Variants in LRRIQ3 observed in about 807,000 individuals in gnomAD.
LRRIQ3 encodes the protein leucine rich repeats and IQ motif containing 3.
LRRIQ3 carries 75 observed loss-of-function variants against 59.3 expected under a neutral mutation model. The ratio of observed to expected loss-of-function variants is 1.26; its 90% CI spans 1.05 to 1.53. The LOEUF is 1.53. Among genes scored for constraint, LRRIQ3 ranks in the 40% most tolerant of loss-of-function variants. LRRIQ3 has a pLI of 0.00. For missense variants in LRRIQ3, 831 were observed against 710.0 expected, an observed-to-expected ratio of 1.17 and a Z score of -1.94; for synonymous variants, 250 against 231.3, an observed-to-expected ratio of 1.08 and a Z score of -0.73.
intron 5 of LRRIQ3, chr1:74,082,073 G>A (rs1209942343): frequency 2.6e-5 from 4 of 151,550 alleles, no homozygotes; most frequent in Non-Finnish European, 3.0e-5. Flanking sequence ...CAACAACTAT[G>A]TATTGAATGG....
chr1:74,192,786 G>GA (rs1195764524), intron 1 of LRRIQ3, among the ~76,000 whole-genome samples: 1 of 152,048 alleles, frequency 6.6e-6, no homozygotes, highest in Admixed American at 6.6e-5. Flanking sequence ...TCTATATTCA[G>GA]AATATAACGT....
intron 3 of LRRIQ3, among the ~76,000 whole-genome samples, chr1:74,171,224 T>C (rs1303839564): frequency 2.6e-5 from 4 of 152,140 alleles, no homozygotes; most frequent in Non-Finnish European, 5.9e-5. Context: ...GTTCCATATC[T>C]TAGGAAAAAA....
At chr1:74,131,019 A>G (rs1398501999) in intron 4 of LRRIQ3, among the ~76,000 whole-genome samples, 1 of 152,158 alleles carries the variant, frequency 6.6e-6, no homozygotes, top group Admixed American at 6.6e-5. Context: ...AGAAGAATCA[A>G]ATAGACACAA....
intron 5 of LRRIQ3, among the ~76,000 whole-genome samples, chr1:74,095,278 C>T (rs111240535): frequency 1.3e-5 from 2 of 152,052 alleles, no homozygotes; most frequent in African/African-American, 4.8e-5. Context: ...GTTATACCAG[C>T]AATGCACTGT....
intron 7 of LRRIQ3, among the ~76,000 whole-genome samples, chr1:74,036,990 GAA>G (rs1223408905): frequency 6.6e-6 from 1 of 151,940 alleles, no homozygotes; most frequent in Admixed American, 6.6e-5. Context: ...AAAGCATTTA[GAA>G]AAAATATACA....
intron 3 of LRRIQ3, among the ~76,000 whole-genome samples, chr1:74,173,395 T>C (rs1325149095): frequency 6.6e-6 from 1 of 152,104 alleles, no homozygotes; most frequent in African/African-American, 2.4e-5. Flanking sequence ...AGGCTAATGA[T>C]TACCATTTTA....
chr1:74,065,227 A>ATAAGATAT (rs956387283), intron 6 of LRRIQ3, among the ~76,000 whole-genome samples: 11 of 152,108 alleles, frequency 7.2e-5, no homozygotes, highest in African/African-American at 2.4e-4. Context: ...TGTTCATCCC[A>ATAAGATAT]GCTTATGCTT....
intron 6 of LRRIQ3, among the ~76,000 whole-genome samples, chr1:74,067,610 T>C (rs191178555): frequency 6.6e-6 from 1 of 152,234 alleles, no homozygotes; most frequent in African/African-American, 2.4e-5. Flanking sequence ...CCATATGTGG[T>C]TGATCACAGT....
intron 6 of LRRIQ3, among the ~76,000 whole-genome samples, chr1:74,055,832 A>G (rs996860099): frequency 2.6e-5 from 4 of 152,148 alleles, no homozygotes; most frequent in African/African-American, 9.7e-5. Flanking sequence ...TCATGAAATT[A>G]AACACCCTTT....
intron 6 of LRRIQ3, among the ~76,000 whole-genome samples, chr1:74,072,370 A>C (rs1655051155): frequency 6.6e-6 from 1 of 152,054 alleles, no homozygotes; most frequent in East Asian, 1.9e-4. Context: ...AGGTAGTATA[A>C]AATCTTGCAT....
intron 3 of LRRIQ3, among the ~76,000 whole-genome samples, chr1:74,167,733 C>T (rs916793112): frequency 6.6e-6 from 1 of 151,602 alleles, no homozygotes; most frequent in Non-Finnish European, 1.5e-5. Flanking sequence ...TGTAACCAAA[C>T]AGCACCTGTT....
Position 74,097,799 on chromosome 1 carries a change from C to G in LRRIQ3, c.867+11595G>C, listed in dbSNP as rs532764981. ...TTCAACCCAGAATTTCATATCCAGC[C>G]AAACTAAGCTTCATAAGTGAAGGAG... is the stretch of plus-strand genomic sequence containing the variant. On this transcript the variant is annotated intron_variant, in intron 5 of 7. Coordinates refer to ENST00000354431, the MANE Select transcript of LRRIQ3 (RefSeq NM_001105659.2). 9.2e-5 allele frequency among the ~76,000 whole-genome samples: 14 copies of G among 152,208 alleles called. No homozygotes were observed. In the East Asian group the frequency reaches 2.5e-3, roughly 27 times the overall value.
chr1:74,177,753 T>C (rs935795358), intron 3 of LRRIQ3, among the ~76,000 whole-genome samples: 2 of 152,000 alleles, frequency 1.3e-5, no homozygotes, highest in South Asian at 2.1e-4. Context: ...TTTAATTATA[T>C]AATACATAGT....
intron 6 of LRRIQ3, among the ~76,000 whole-genome samples, chr1:74,062,254 G>T (rs1241621612): frequency 6.6e-6 from 1 of 151,958 alleles, no homozygotes; most frequent in Non-Finnish European, 1.5e-5. Context: ...GACATGAAAA[G>T]ACACTTTTCA....
At position 74,060,585 on chromosome 1, in the gene LRRIQ3, T is replaced by C. The variant is rs550140813; in HGVS notation, c.997+14076A>G. Reference sequence around the variant, plus strand: ...TAATGTCATTTGTAATTTTTTTCTCTGATCCATTGGTTATTGGAGAGAGTA... The same window carrying C: ...TAATGTCATTTGTAATTTTTTTCTCCGATCCATTGGTTATTGGAGAGAGTA... On this transcript the variant is annotated intron_variant, in intron 6 of 7. Transcript: ENST00000354431. Among the ~76,000 whole-genome samples, 132 of 152,250 alleles carry C rather than the reference T, an allele frequency of 8.7e-4. 1 individual carries two copies. The highest frequency in any genetic ancestry group is 6.8e-3 in the Middle Eastern group (2 of 294).
intron 4 of LRRIQ3, among the ~76,000 whole-genome samples, chr1:74,134,338 A>G (rs1647083496): frequency 6.6e-6 from 1 of 152,080 alleles, no homozygotes; most frequent in Non-Finnish European, 1.5e-5. Flanking sequence ...CCTGCTACCA[A>G]TAGCCCCCCA....
At chr1:74,108,568 A>T (rs1041258321) in intron 5 of LRRIQ3, among the ~76,000 whole-genome samples, 1 of 151,764 alleles carries the variant, frequency 6.6e-6, no homozygotes, top group Non-Finnish European at 1.5e-5. Flanking sequence ...GCCTTCTAAC[A>T]ATGCTAATGT....
intron 3 of LRRIQ3, among the ~76,000 whole-genome samples, chr1:74,171,376 A>T (rs1649312333): frequency 6.6e-6 from 1 of 152,096 alleles, no homozygotes; most frequent in Non-Finnish European, 1.5e-5. Flanking sequence ...ATTTTTGTCA[A>T]ATGTTTTTCT....
chr1:74,090,785 T>C (rs891328182), intron 5 of LRRIQ3, among the ~76,000 whole-genome samples: 4 of 151,826 alleles, frequency 2.6e-5, no homozygotes, highest in Admixed American at 2.6e-4. Context: ...TACCAACTAC[T>C]AGAGAGGTTG....
Sources: allele counts gnomAD v4.1 joint callset (sites outside exome capture counted in the v4.1 genomes callset), GRCh38; gene constraint gnomAD v4.1.1; transcripts MANE v1.5; gene names NCBI Gene and HGNC (gene_info 2026-07-23, HGNC 2026-07-21).